Variants in PTPRK observed in about 807,000 individuals in gnomAD.
PTPRK encodes protein tyrosine phosphatase receptor type K.
Under a neutral mutation model 178.0 loss-of-function variants are expected in PTPRK, and 75 were observed. The ratio of observed to expected loss-of-function variants is 0.42; its 90% CI spans 0.35 to 0.51. The LOEUF (loss-of-function observed/expected upper bound fraction) is 0.51, where lower values mean the gene tolerates loss of function less well. Ranked by LOEUF, PTPRK falls within the 20% of genes least tolerant of loss-of-function variation. PTPRK has a pLI of 0.02. For missense variants in PTPRK, 1,441 were observed against 1,797.8 expected (o/e 0.80, Z 3.59); for synonymous variants, 637 against 620.6 (o/e 1.03, Z -0.39).
chr6:128,292,813 T>C (rs944274633), intron 3 of PTPRK, among the ~76,000 whole-genome samples: 5 of 152,232 alleles, frequency 3.3e-5, no homozygotes, highest in African/African-American at 1.2e-4. Context: ...TTATAATTAT[T>C]TTCACCCCAT....
chr6:128,191,147 AG>A (rs766612669), intron 6 of PTPRK, among the ~76,000 whole-genome samples: 10 of 152,218 alleles, frequency 6.6e-5, no homozygotes, highest in Non-Finnish European at 1.0e-4. Context: ...AGGGGAAAAA[AG>A]AATTACAAAT....
At chr6:128,323,087 T>C (rs1173781864) in intron 2 of PTPRK, among the ~76,000 whole-genome samples, 3 of 152,058 alleles carry the variant, frequency 2.0e-5, no homozygotes, top group African/African-American at 7.2e-5. Flanking sequence ...AAATCACCAA[T>C]CTACTCTATC....
At position 128,212,261 on chromosome 6, in the gene PTPRK, T is replaced by C. The variant is rs1304631744; in HGVS notation, c.868+6661A>G. ...TTTTTTGGCATTTGTCTTTATTGAA[T>C]ACTTAACATCATAATATGCACTTGC... On this transcript the variant is annotated intron_variant, in intron 6 of 29. Coordinates refer to ENST00000368226, the MANE Select transcript of PTPRK (RefSeq NM_002844.4). Among the ~76,000 whole-genome samples the C allele has an allele frequency of 2.6e-5, 4 of 152,146 alleles. No homozygotes were observed. In the East Asian group the frequency reaches 5.8e-4, roughly 22 times the overall value.
At chr6:128,096,690 C>T (rs1787969328) in intron 7 of PTPRK, among the ~76,000 whole-genome samples, 1 of 152,154 alleles carries the variant, frequency 6.6e-6, no homozygotes, top group Non-Finnish European at 1.5e-5. Context: ...ATGACAGGAG[C>T]TTCGTGCTCC....
intron 2 of PTPRK, among the ~76,000 whole-genome samples, chr6:128,370,650 G>T (rs1836145018): frequency 6.6e-6 from 1 of 151,992 alleles, no homozygotes; most frequent in South Asian, 2.1e-4. Flanking sequence ...TCACATGATA[G>T]TTCAAATTTT....
At chr6:128,246,908 AGTG>A (rs1330319801) in intron 3 of PTPRK, among the ~76,000 whole-genome samples, 1 of 152,254 alleles carries the variant, frequency 6.6e-6, no homozygotes, top group Non-Finnish European at 1.5e-5. Context: ...TAACTAAATA[AGTG>A]AAATAAAGTT....
intron 4 of PTPRK, 31 bp downstream of exon 4, chr6:128,242,490 T>G (rs1184668962): frequency 2.5e-6 from 4 of 1,603,514 alleles, no homozygotes; most frequent in Non-Finnish European, 3.4e-6. Context: ...GGAAAGGACA[T>G]AGAAAAATAC....
intron 2 of PTPRK, among the ~76,000 whole-genome samples, chr6:128,368,396 A>C (rs1045278034): frequency 6.6e-6 from 1 of 152,042 alleles, no homozygotes; most frequent in African/African-American, 2.4e-5. Context: ...AAAGAAAAAA[A>C]AAAAACGTCA....
chr6:128,265,970 C>T (rs1208603211), intron 3 of PTPRK, among the ~76,000 whole-genome samples: 3 of 152,060 alleles, frequency 2.0e-5, no homozygotes, highest in East Asian at 1.9e-4. Context: ...ACTGTGAGAA[C>T]ACAGTGAGTA....
chr6:128,193,134 G>A (rs376989627), intron 6 of PTPRK, among the ~76,000 whole-genome samples: 1 of 151,936 alleles, frequency 6.6e-6, no homozygotes, highest in Non-Finnish European at 1.5e-5. Flanking sequence ...TCTGAACGAT[G>A]TAGCAAGCCA....
chr6:127,980,858 C>T (rs1775263685), intron 25 of PTPRK, among the ~76,000 whole-genome samples: 1 of 152,104 alleles, frequency 6.6e-6, no homozygotes, highest in African/African-American at 2.4e-5. Flanking sequence ...AAATTTATAA[C>T]TTGCAATATT....
intron 6 of PTPRK, among the ~76,000 whole-genome samples, chr6:128,213,339 A>C (rs566012169): frequency 6.6e-6 from 1 of 152,162 alleles, no homozygotes; most frequent in Non-Finnish European, 1.5e-5. Context: ...AAATTTTTAA[A>C]TATGAGAGAT....
intron 11 of PTPRK, among the ~76,000 whole-genome samples, chr6:128,074,345 A>G (rs538182143): frequency 6.6e-6 from 1 of 152,216 alleles, no homozygotes; most frequent in South Asian, 2.1e-4. Context: ...TTGTGTTTTT[A>G]CAACATGCTG....
intron 13 of PTPRK, among the ~76,000 whole-genome samples, chr6:128,045,111 C>A (rs1051784084): frequency 5.3e-5 from 8 of 152,018 alleles, no homozygotes; most frequent in African/African-American, 1.9e-4. Context: ...TTAATGACTT[C>A]TCAGAAATTT....
At chr6:128,495,295 G>T (rs150054179) in intron 1 of PTPRK, among the ~76,000 whole-genome samples, 5 of 152,226 alleles carry the variant, frequency 3.3e-5, no homozygotes, top group Non-Finnish European at 7.4e-5. Flanking sequence ...TTAAACAAAT[G>T]CATATGTACA....
chr6:128,464,510 G>A (rs547787590), intron 1 of PTPRK, among the ~76,000 whole-genome samples: 1 of 151,038 alleles, frequency 6.6e-6, no homozygotes, highest in East Asian at 1.9e-4. Flanking sequence ...TGTGCTGATA[G>A]AACCATACAT....
chr6:127,972,128 C>T (rs1773990660), intron 29 of PTPRK, among the ~76,000 whole-genome samples: 1 of 152,160 alleles, frequency 6.6e-6, no homozygotes, highest in Non-Finnish European at 1.5e-5. Context: ...CAGATTTTGT[C>T]TCAGGAAGCA....
At chr6:128,251,249 T>G (rs1392697915) in intron 3 of PTPRK, among the ~76,000 whole-genome samples, 1 of 152,206 alleles carries the variant, frequency 6.6e-6, no homozygotes. Context: ...GTTGCTAAAG[T>G]CAATTATTTG....
At chr6:128,147,222 A>G (rs186082864) in intron 7 of PTPRK, among the ~76,000 whole-genome samples, 42 of 152,334 alleles carry the variant, frequency 2.8e-4, no homozygotes, top group African/African-American at 1.0e-3. Flanking sequence ...TTATGAATAA[A>G]GATGACAATA....
Sources: gnomAD v4.1 joint callset for allele counts (sites outside exome capture counted in the v4.1 genomes callset) on GRCh38, gnomAD v4.1.1 for gene constraint, MANE v1.5 for transcripts, NCBI Gene and HGNC (gene_info 2026-07-23, HGNC 2026-07-21) for gene names.